Variants in C8orf74 observed in about 807,000 individuals in gnomAD.
The protein encoded by C8orf74 is chromosome 8 open reading frame 74.
Under a neutral mutation model 22.2 loss-of-function variants are expected in C8orf74, and 29 were observed. That is an observed-to-expected ratio of 1.31 (90% CI 0.97 to 1.78). The LOEUF (loss-of-function observed/expected upper bound fraction) is 1.78. Ranked by LOEUF, C8orf74 falls within the 40% of genes most tolerant of loss-of-function variation. The pLI is 0.00. For synonymous variants in C8orf74, 255 were observed against 163.1 expected (o/e 1.56, Z -4.30); for missense variants, 515 against 369.9 (o/e 1.39, Z -3.22).
At chr8:10,694,359 G>C (rs1799444919) in intron 2 of C8orf74, among the ~76,000 whole-genome samples, 1 of 152,110 alleles carries the variant, frequency 6.6e-6, no homozygotes, top group Non-Finnish European at 1.5e-5. Context: ...TCTGAGACAG[G>C]TCTCAATCAA....
At chr8:10,675,920 A>G (rs905255103) in intron 2 of C8orf74, 5 of 152,220 alleles carry the variant, frequency 3.3e-5, no homozygotes, top group Admixed American at 2.0e-4. Context: ...TCTTTTTGCT[A>G]TGAATGAGGT....
At chr8:10,679,282 G>T (rs1270771519) in intron 2 of C8orf74, among the ~76,000 whole-genome samples, 3 of 152,118 alleles carry the variant, frequency 2.0e-5, no homozygotes, top group Non-Finnish European at 4.4e-5. Context: ...GCTTGCAGGG[G>T]TCTCAGGCAC....
intron 1 of C8orf74, among the ~76,000 whole-genome samples, chr8:10,673,151 C>T (rs963720714): frequency 4.6e-5 from 7 of 152,102 alleles, no homozygotes; most frequent in African/African-American, 1.7e-4. Flanking sequence ...GTCACTAAGG[C>T]CACCATTGGT....
intron 2 of C8orf74, among the ~76,000 whole-genome samples, chr8:10,686,923 AAG>A (rs1168640666): frequency 6.6e-6 from 1 of 152,342 alleles, no homozygotes; most frequent in East Asian, 1.9e-4. Flanking sequence ...CCAGGAAAGA[AAG>A]AGCCTCCACT....
At chr8:10,684,961 G>GC (rs1799230893) in intron 2 of C8orf74, among the ~76,000 whole-genome samples, 2 of 152,148 alleles carry the variant, frequency 1.3e-5, no homozygotes, top group African/African-American at 4.8e-5. Context: ...CAATGGGAGG[G>GC]TAGCATTGAG....
At chr8:10,698,114 G>T (rs1238581546) in intron 3 of C8orf74, 109 bp downstream of exon 3, 15 of 1,107,990 alleles carry the variant, frequency 1.4e-5, no homozygotes, top group Non-Finnish European at 1.2e-6. Flanking sequence ...AGGGGAGGGG[G>T]AGAGATGCAG....
At chr8:10,685,084 A>G (rs1323960847) in intron 2 of C8orf74, among the ~76,000 whole-genome samples, 1 of 152,188 alleles carries the variant, frequency 6.6e-6, no homozygotes, top group African/African-American at 2.4e-5. Flanking sequence ...CTTATGAACT[A>G]TTTATTTCCG....
At chr8:10,673,343 T>G (rs1798957046) in intron 1 of C8orf74, among the ~76,000 whole-genome samples, 1 of 152,150 alleles carries the variant, frequency 6.6e-6, no homozygotes, top group African/African-American at 2.4e-5. Context: ...AAGGGCCAGC[T>G]GAACTCTCAA....
chr8:10,681,379 G>T (rs1379989983), intron 2 of C8orf74, among the ~76,000 whole-genome samples: 1 of 152,184 alleles, frequency 6.6e-6, no homozygotes, highest in African/African-American at 2.4e-5. Context: ...AGAGGGGCGG[G>T]AGTCTTCCAG....
intron 2 of C8orf74, among the ~76,000 whole-genome samples, chr8:10,696,922 G>A (rs183111158): frequency 3.4e-3 from 511 of 149,904 alleles, no homozygotes; most frequent in Non-Finnish European, 5.0e-3. Flanking sequence ...CACTTTGGGA[G>A]GCCACGGTGG....
At chr8:10,687,064 T>C (rs1420068970) in intron 2 of C8orf74, 1 of 456,118 alleles carries the variant, frequency 2.2e-6, no homozygotes, top group African/African-American at 2.0e-5. Flanking sequence ...CCATGCTTCA[T>C]TCTCTGCCAA....
chr8:10,684,552 C>A (rs754969226), intron 2 of C8orf74, among the ~76,000 whole-genome samples: 1 of 152,108 alleles, frequency 6.6e-6, no homozygotes, highest in Non-Finnish European at 1.5e-5. Flanking sequence ...TAGATTTTCC[C>A]CTTAATATGG....
At chr8:10,677,291 G>A (rs560747537) in intron 2 of C8orf74, among the ~76,000 whole-genome samples, 6 of 152,194 alleles carry the variant, frequency 3.9e-5, no homozygotes, top group Non-Finnish European at 5.9e-5. Context: ...TCTTAGCAGC[G>A]TGTGGGCCCT....
At chr8:10,691,459 C>T (rs1350624390) in intron 2 of C8orf74, 1 of 158,474 alleles carries the variant, frequency 6.3e-6, no homozygotes, top group African/African-American at 2.4e-5. Flanking sequence ...TGCAGGTGAC[C>T]CCACCCCATG....
At chr8:10,673,106 C>G (rs1452384739) in intron 1 of C8orf74, among the ~76,000 whole-genome samples, 3 of 152,068 alleles carry the variant, frequency 2.0e-5, no homozygotes. Context: ...AGAGGAGTCT[C>G]TGGGGGCCGA....
chr8:10,699,615 C>T (rs974683958), intron 3 of C8orf74, among the ~76,000 whole-genome samples: 2 of 152,234 alleles, frequency 1.3e-5, no homozygotes, highest in Non-Finnish European at 2.9e-5. Flanking sequence ...AGTTGACCAA[C>T]AGGGTTTCCT....
At position 10,674,639 on chromosome 8, in the gene C8orf74, C is replaced by T; in HGVS notation, c.49-7C>T. 6.2e-7 allele frequency: 1 copy of T among 1,602,842 alleles called. No individual in the cohort carries two copies. The highest frequency in any genetic ancestry group is 8.5e-7 in the Non-Finnish European group (1 of 1,174,834). On this transcript the variant is annotated splice_region_variant and splice_polypyrimidine_tract_variant and intron_variant, in intron 1 of 3. Coordinates refer to ENST00000304519, the MANE Select transcript of C8orf74 (RefSeq NM_001040032.2). ...ATACCCTGCAGTTCCCATGTCATTCCCTGCAGAGACCACAAGGTCGGGAGC... is the reference window on the plus strand; with the variant it reads ...ATACCCTGCAGTTCCCATGTCATTCTCTGCAGAGACCACAAGGTCGGGAGC...
At chr8:10,694,648 C>T (rs1327265164) in intron 2 of C8orf74, among the ~76,000 whole-genome samples, 1 of 152,196 alleles carries the variant, frequency 6.6e-6, no homozygotes, top group Non-Finnish European at 1.5e-5. Flanking sequence ...TTTGTAGCTA[C>T]CTGCTTAGGA....
chr8:10,674,525 A>G, intron 1 of C8orf74, 121 bp from the exon 2 acceptor site: 1 of 107,938 alleles, frequency 9.3e-6, no homozygotes, highest in Non-Finnish European at 1.5e-5. Context: ...TGCAACCCCC[A>G]TATCACACCC....
Sources: gnomAD v4.1 joint callset for allele counts (sites outside exome capture counted in the v4.1 genomes callset) on GRCh38, gnomAD v4.1.1 for gene constraint, MANE v1.5 for transcripts, NCBI Gene and HGNC (gene_info 2026-07-23, HGNC 2026-07-21) for gene names.